Variants in CYRIB observed in about 807,000 individuals in gnomAD.
CYRIB encodes CYFIP related Rac1 interactor B.
In CYRIB, 8 loss-of-function variants were observed where a neutral mutation model predicts 44.2. The observed-to-expected ratio is 0.18, with a 90% CI of 0.11 to 0.33. The LOEUF is 0.33. CYRIB is among the 10% of genes least tolerant of loss of function. The pLI, the probability that CYRIB is intolerant of heterozygous loss-of-function variation, is 1.00. For synonymous variants in CYRIB, 131 were observed against 127.2 expected, an observed-to-expected ratio of 1.03 and a Z score of -0.20; for missense variants, 185 against 382.8, an observed-to-expected ratio of 0.48 and a Z score of 4.31.
chr8:129,925,388 T>C (rs1476333031), intron 1 of CYRIB, among the ~76,000 whole-genome samples: 2 of 151,922 alleles, frequency 1.3e-5, no homozygotes, highest in African/African-American at 4.8e-5. Flanking sequence ...CGAGACTCCG[T>C]CTTAAAAAAT....
chr8:129,892,611 T>C (rs534475952), intron 2 of CYRIB, among the ~76,000 whole-genome samples: 3 of 152,048 alleles, frequency 2.0e-5, no homozygotes, highest in Non-Finnish European at 4.4e-5. Context: ...TTTCATTTCA[T>C]TATATATTTC....
chr8:129,963,452 C>G (rs926980096), intron 2 of CYRIB, among the ~76,000 whole-genome samples: 2 of 152,172 alleles, frequency 1.3e-5, no homozygotes, highest in African/African-American at 4.8e-5. Flanking sequence ...GTGGAGACAG[C>G]CACAAACAAT....
intron 2 of CYRIB, chr8:129,949,329 A>T (rs928299122): frequency 6.6e-6 from 1 of 152,192 alleles, no homozygotes; most frequent in Non-Finnish European, 1.5e-5. Flanking sequence ...CCCATTTATA[A>T]TGCAATCCTT....
chr8:129,956,822 T>TCCCCCCC (rs2094869631), intron 2 of CYRIB, among the ~76,000 whole-genome samples: 1 of 75,602 alleles, frequency 1.3e-5, no homozygotes, highest in African/African-American at 5.7e-5. Flanking sequence ...CCCTCCTCCC[T>TCCCCCCC]CCCTCCCTCC....
chr8:129,884,131 G>A (rs1443365851), intron 2 of CYRIB, among the ~76,000 whole-genome samples: 1 of 152,058 alleles, frequency 6.6e-6, no homozygotes, highest in Non-Finnish European at 1.5e-5. Flanking sequence ...ACTTCTCTCA[G>A]TCCAGCTGCT....
chr8:129,853,914 C>T (rs192948497), intron 7 of CYRIB, among the ~76,000 whole-genome samples: 8 of 152,266 alleles, frequency 5.3e-5, no homozygotes, highest in Non-Finnish European at 8.8e-5. Context: ...AATTTCTCTC[C>T]AAGACTCTTC....
At chr8:129,934,875 T>C (rs150629105) in intron 1 of CYRIB, among the ~76,000 whole-genome samples, 46 of 152,326 alleles carry the variant, frequency 3.0e-4, no homozygotes, top group African/African-American at 1.0e-3. Context: ...CTTCAGGACT[T>C]AGACCTTAGT....
chr8:129,914,605 G>T (rs774565382), intron 1 of CYRIB, among the ~76,000 whole-genome samples: 5 of 152,106 alleles, frequency 3.3e-5, no homozygotes, highest in Non-Finnish European at 7.4e-5. Flanking sequence ...CTCTTGAAAA[G>T]ATTTTTACAA....
At chr8:129,967,829 G>C (rs1244196172) in intron 2 of CYRIB, among the ~76,000 whole-genome samples, 1 of 152,188 alleles carries the variant, frequency 6.6e-6, no homozygotes, top group Non-Finnish European at 1.5e-5. Context: ...GAAGATGTCT[G>C]AAAGGACATC....
At chr8:129,951,699 C>T (rs2094510287) in intron 2 of CYRIB, among the ~76,000 whole-genome samples, 1 of 112,782 alleles carries the variant, frequency 8.9e-6, no homozygotes, top group Non-Finnish European at 2.0e-5. Context: ...GAGCGAGACT[C>T]CATCTCAAAA....
upstream of CYRIB, among the ~76,000 whole-genome samples, chr8:129,941,521 GC>G (rs530730186): frequency 2.7e-4 from 41 of 152,180 alleles, no homozygotes; most frequent in Non-Finnish European, 5.4e-4. Flanking sequence ...CAATCCACCT[GC>G]CTGAGCCTCC....
intron 1 of CYRIB, among the ~76,000 whole-genome samples, chr8:129,989,727 G>A (rs977809761): frequency 2.0e-5 from 3 of 149,720 alleles, no homozygotes; most frequent in Non-Finnish European, 4.4e-5. Flanking sequence ...CATGTGCCAT[G>A]TTGGTGTGCT....
chr8:129,975,596 AC>A (rs2095881846), intron 1 of CYRIB, among the ~76,000 whole-genome samples: 1 of 152,212 alleles, frequency 6.6e-6, no homozygotes, highest in African/African-American at 2.4e-5. Context: ...AGTTAAGAGC[AC>A]CTGGAAATTC....
At chr8:129,936,292 T>C (rs903256151) in intron 1 of CYRIB, among the ~76,000 whole-genome samples, 3 of 152,204 alleles carry the variant, frequency 2.0e-5, no homozygotes, top group Non-Finnish European at 4.4e-5. Flanking sequence ...TTATGATTAA[T>C]GGCATACCTA....
chr8:129,953,844 T>G (rs2094633328), intron 2 of CYRIB, among the ~76,000 whole-genome samples: 2 of 152,210 alleles, frequency 1.3e-5, no homozygotes, highest in Non-Finnish European at 2.9e-5. Context: ...ATCAGGTCAC[T>G]ACTGTGTAAC....
chr8:129,916,935 C>T (rs573282880), intron 1 of CYRIB, among the ~76,000 whole-genome samples: 4 of 152,300 alleles, frequency 2.6e-5, no homozygotes, highest in African/African-American at 9.6e-5. Context: ...CTGACAATTA[C>T]CATAACTCAG....
chr8:129,872,106 A>G (rs529605898), intron 3 of CYRIB, among the ~76,000 whole-genome samples: 1 of 152,298 alleles, frequency 6.6e-6, no homozygotes, highest in African/African-American at 2.4e-5. Context: ...ATCTAACAAC[A>G]AACCCAAGAG....
intron 1 of CYRIB, chr8:129,939,569 TGAAG>T (rs1415306772): frequency 1.3e-5 from 2 of 151,616 alleles, no homozygotes; most frequent in African/African-American, 4.8e-5. Flanking sequence ...GCTAGGAGTG[TGAAG>T]GAAGAGGGGA....
intron 4 of CYRIB, among the ~76,000 whole-genome samples, chr8:129,870,390 C>T (rs756154168): frequency 6.6e-6 from 1 of 152,172 alleles, no homozygotes; most frequent in Non-Finnish European, 1.5e-5. Flanking sequence ...GGCAGGGTGA[C>T]GGAGCTAAAC....
Sources: gnomAD v4.1 joint callset for allele counts (sites outside exome capture counted in the v4.1 genomes callset) on GRCh38, gnomAD v4.1.1 for gene constraint, MANE v1.5 for transcripts, NCBI Gene and HGNC (gene_info 2026-07-23, HGNC 2026-07-21) for gene names.